The following LRRC37A2 variants were observed in gnomAD, a reference collection of about 807,000 sequenced individuals.
LRRC37A2 encodes leucine rich repeat containing 37 member A2.
In LRRC37A2, 9 loss-of-function variants were observed where a neutral mutation model predicts 68.8. The observed-to-expected ratio is 0.13, with a 90% CI of 0.08 to 0.23. LRRC37A2 has a LOEUF of 0.23. Ranked by LOEUF, LRRC37A2 falls within the 10% of genes least tolerant of loss-of-function variation. The pLI, the probability that LRRC37A2 is intolerant of heterozygous loss-of-function variation, is 1.00. For synonymous variants in LRRC37A2, 63 were observed against 367.6 expected (o/e 0.17, Z 9.48); for missense variants, 168 against 950.4 (o/e 0.18, Z 10.82).
At chr17:46,377,307 G>A in the LRRC37A2 span, among the ~76,000 whole-genome samples, 23 of 7,638 alleles carry the variant, frequency 3.0e-3, no homozygotes, top group African/African-American at 6.4e-3. Context: ...CTACCTTTTG[G>A]AAAATCTGAA....
At chr17:46,957,454 A>G in the LRRC37A2 span, among the ~76,000 whole-genome samples, 2 of 152,112 alleles carry the variant, frequency 1.3e-5, no homozygotes, top group African/African-American at 4.8e-5. Context: ...CTCTACTAAA[A>G]ATACAAAAAC....
chr17:46,855,933 C>A, the LRRC37A2 span, among the ~76,000 whole-genome samples: 1 of 152,206 alleles, frequency 6.6e-6, no homozygotes, highest in Admixed American at 6.5e-5. Context: ...AAATGATCCA[C>A]CCACCTCAGC....
At chr17:46,712,855 A>T in the LRRC37A2 span, among the ~76,000 whole-genome samples, 4 of 152,226 alleles carry the variant, frequency 2.6e-5, no homozygotes, top group Non-Finnish European at 5.9e-5. Context: ...TACAGAAGCC[A>T]AGAAAAGAAA....
chr17:46,543,256 T>G lies in LRRC37A2; in HGVS notation c.3053+2375T>G, dbSNP rs1285165850. 9.8e-4 allele frequency among the ~76,000 whole-genome samples: 147 copies of G among 150,584 alleles called. 7 individuals are homozygous for G. Among genetic ancestry groups the G allele is most frequent in the African/African-American group, 3.4e-3 (135 of 39,928 alleles). ...TTATGTACAAAGTAAGTAGGCCAGC[T>G]CATTTGAGTCTTGGCTCATGTGTAA... On this transcript the variant is annotated intron_variant, in intron 8 of 14. Coordinates refer to ENST00000576629, the Ensembl canonical transcript of LRRC37A2.
the LRRC37A2 span, among the ~76,000 whole-genome samples, chr17:46,942,258 C>G: frequency 2.6e-5 from 4 of 152,216 alleles, no homozygotes; most frequent in Non-Finnish European, 5.9e-5. Flanking sequence ...GACATTTTCT[C>G]AAGGGAAAGC....
chr17:46,722,105 G>A, the LRRC37A2 span: 16 of 1,611,562 alleles, frequency 9.9e-6, no homozygotes, highest in East Asian at 1.3e-4. Flanking sequence ...GGAGATGGCC[G>A]GACTCGAACT....
the LRRC37A2 span, chr17:46,755,190 A>T: frequency 1.4e-6 from 1 of 700,052 alleles, no homozygotes; most frequent in Admixed American, 2.2e-5. Flanking sequence ...GGAGCAGGTA[A>T]CACATTCAGT....
the LRRC37A2 span, chr17:46,756,890 A>G: frequency 1.3e-5 from 2 of 152,656 alleles, no homozygotes; most frequent in Non-Finnish European, 1.5e-5. Context: ...TCCAAAAGGA[A>G]GCACCCGTTG....
At chr17:46,991,593 C>T in the LRRC37A2 span, among the ~76,000 whole-genome samples, 15,166 of 151,534 alleles carry the variant, frequency 0.1, 849 homozygotes, top group South Asian at 0.22. Context: ...GCTTGGGCAA[C>T]AAGAGCAAAA....
At chr17:47,033,207 G>A in the LRRC37A2 span, 1 of 573,156 alleles carries the variant, frequency 1.7e-6, no homozygotes, top group Non-Finnish European at 2.9e-6. Flanking sequence ...GGGCAACAGA[G>A]TGAGACTTCA....
chr17:46,902,801 C>T, the LRRC37A2 span, among the ~76,000 whole-genome samples: 1 of 152,148 alleles, frequency 6.6e-6, no homozygotes, highest in African/African-American at 2.4e-5. Context: ...TGATCAGATA[C>T]CCGTTCTCCC....
At chr17:46,858,258 T>G in the LRRC37A2 span, among the ~76,000 whole-genome samples, 1 of 152,196 alleles carries the variant, frequency 6.6e-6, no homozygotes, top group African/African-American at 2.4e-5. Context: ...ATACAAGTCT[T>G]TGTCACAAGT....
chr17:46,767,505 G>T, the LRRC37A2 span, among the ~76,000 whole-genome samples: 2 of 152,212 alleles, frequency 1.3e-5, no homozygotes, highest in South Asian at 4.1e-4. Flanking sequence ...ATTTTGGCTC[G>T]CTGCTTGAGG....
At chr17:46,755,486 C>G in the LRRC37A2 span, 1 of 935,344 alleles carries the variant, frequency 1.1e-6, no homozygotes, top group South Asian at 1.4e-5. Context: ...TTGAATTCTT[C>G]GCTGTGTTGT....
the LRRC37A2 span, chr17:46,923,092 AG>A: frequency 1.2e-6 from 1 of 814,844 alleles, no homozygotes; most frequent in Non-Finnish European, 2.1e-6. Flanking sequence ...CCGGCAGGGG[AG>A]GGAGGGTCCT....
the LRRC37A2 span, among the ~76,000 whole-genome samples, chr17:46,984,526 G>A: frequency 6.6e-6 from 1 of 152,182 alleles, no homozygotes; most frequent in South Asian, 2.1e-4. Flanking sequence ...GCATTTCCCA[G>A]CTCTGGAAGG....
chr17:46,545,846 C>A (rs2056228572), intron 8 of LRRC37A2, among the ~76,000 whole-genome samples: 1 of 150,218 alleles, frequency 6.7e-6, no homozygotes, highest in Middle Eastern at 3.4e-3. Flanking sequence ...ATTTTTAATG[C>A]CCAGAGTAAT....
intron 6 of LRRC37A2, among the ~76,000 whole-genome samples, chr17:46,525,642 A>C (rs2052637868): frequency 8.2e-6 from 1 of 122,618 alleles, no homozygotes; most frequent in African/African-American, 2.8e-5. Flanking sequence ...CATCATCATC[A>C]TCATCTAGCC....
chr17:46,858,693 G>T, the LRRC37A2 span, among the ~76,000 whole-genome samples: 9 of 152,140 alleles, frequency 5.9e-5, no homozygotes, highest in African/African-American at 2.2e-4. Flanking sequence ...TAGGATGGGT[G>T]TAAATAGTTC....
Sources: gnomAD v4.1 joint callset for allele counts (sites outside exome capture counted in the v4.1 genomes callset) on GRCh38, gnomAD v4.1.1 for gene constraint, MANE v1.5 for transcripts, NCBI Gene and HGNC (gene_info 2026-07-23, HGNC 2026-07-21) for gene names.